FHIP1A: variants seen among roughly 807,000 people sequenced by gnomAD.
The protein encoded by FHIP1A is FHF complex subunit HOOK-interacting protein 1A.
In FHIP1A, 61 loss-of-function variants were observed where a neutral mutation model predicts 88.6. The observed-to-expected ratio is 0.69, with a 90% confidence interval of 0.56 to 0.85. The LOEUF is 0.85. Among genes scored for constraint, FHIP1A ranks in the 40% least tolerant of loss-of-function variants. The pLI is 0.00. For synonymous variants in FHIP1A, 478 were observed against 496.0 expected (o/e 0.96, Z 0.48); for missense variants, 1,154 against 1,273.5 (o/e 0.91, Z 1.43).
At chr4:151,611,585 C>T (rs1735326479) in intron 7 of FHIP1A, among the ~76,000 whole-genome samples, 1 of 152,154 alleles carries the variant, frequency 6.6e-6, no homozygotes, top group Admixed American at 6.5e-5. Flanking sequence ...AGACATCAAA[C>T]TTTCTGACTA....
chr4:151,636,489 C>A (rs1027860457), intron 8 of FHIP1A, among the ~76,000 whole-genome samples: 1 of 151,862 alleles, frequency 6.6e-6, no homozygotes, highest in Non-Finnish European at 1.5e-5. Context: ...ATGACATGCT[C>A]TTGTATGTAA....
At chr4:151,468,284 CAAA>C (rs921242622) in intron 2 of FHIP1A, among the ~76,000 whole-genome samples, 2 of 38,320 alleles carry the variant, frequency 5.2e-5, no homozygotes, top group African/African-American at 9.5e-5. Context: ...GACTCCATCT[CAAA>C]AAAAAAAAAA....
chr4:151,551,141 G>A (rs184094408), intron 3 of FHIP1A, among the ~76,000 whole-genome samples: 1 of 152,178 alleles, frequency 6.6e-6, no homozygotes, highest in Non-Finnish European at 1.5e-5. Context: ...GAACCTGAGG[G>A]CATCCATTAC....
At chr4:151,570,649 A>G (rs1343273390) in intron 4 of FHIP1A, among the ~76,000 whole-genome samples, 1 of 152,186 alleles carries the variant, frequency 6.6e-6, no homozygotes, top group African/African-American at 2.4e-5. Flanking sequence ...CATATACAGT[A>G]TCTTCTTCAC....
chr4:151,574,775 T>C (rs937507640), intron 4 of FHIP1A, among the ~76,000 whole-genome samples: 1 of 152,190 alleles, frequency 6.6e-6, no homozygotes, highest in African/African-American at 2.4e-5. Context: ...TACTTGGCAA[T>C]GTATTTGCTT....
intron 1 of FHIP1A, among the ~76,000 whole-genome samples, chr4:151,431,664 T>G (rs1465335781): frequency 6.6e-6 from 1 of 152,208 alleles, no homozygotes; most frequent in Non-Finnish European, 1.5e-5. Context: ...TGCAATGCTG[T>G]AAGGTCATGA....
intron 3 of FHIP1A, among the ~76,000 whole-genome samples, chr4:151,506,504 G>A (rs1402646427): frequency 1.3e-5 from 2 of 152,174 alleles, no homozygotes; most frequent in African/African-American, 2.4e-5. Context: ...TCTGCTTCTG[G>A]TGAGGGCCTT....
intron 7 of FHIP1A, among the ~76,000 whole-genome samples, chr4:151,621,409 T>C (rs973716436): frequency 1.3e-5 from 2 of 152,086 alleles, no homozygotes; most frequent in Non-Finnish European, 2.9e-5. Context: ...GAAAATAAGC[T>C]AGGAGTGAAA....
At chr4:151,559,470 C>T (rs1307181825) in intron 3 of FHIP1A, among the ~76,000 whole-genome samples, 1 of 152,164 alleles carries the variant, frequency 6.6e-6, no homozygotes, top group African/African-American at 2.4e-5. Context: ...TGTGTATCTT[C>T]TTAGAAATCT....
At chr4:151,471,811 C>T (rs902022969) in intron 2 of FHIP1A, among the ~76,000 whole-genome samples, 1 of 152,166 alleles carries the variant, frequency 6.6e-6, no homozygotes, top group African/African-American at 2.4e-5. Context: ...TTGTGTCATT[C>T]TTATGCCTTT....
intron 4 of FHIP1A, among the ~76,000 whole-genome samples, chr4:151,571,950 G>A (rs1733617211): frequency 6.6e-6 from 1 of 152,224 alleles, no homozygotes; most frequent in South Asian, 2.1e-4. Flanking sequence ...GCTCTTGCCT[G>A]TAATCCCAGC....
chr4:151,522,064 G>A (rs1425786931), intron 3 of FHIP1A, among the ~76,000 whole-genome samples: 6 of 152,192 alleles, frequency 3.9e-5, no homozygotes, highest in African/African-American at 1.4e-4. Context: ...ACTCTTAGAT[G>A]TCTGAAACTT....
intron 8 of FHIP1A, 99 bp from the exon 9 acceptor site, chr4:151,638,578 A>AG: frequency 3.2e-6 from 2 of 631,956 alleles, no homozygotes; most frequent in Non-Finnish European, 2.6e-6. Context: ...AAAAAAAAAA[A>AG]GGCCATTATA....
chr4:151,552,676 C>T (rs55668815), intron 3 of FHIP1A, among the ~76,000 whole-genome samples: 3 of 151,616 alleles, frequency 2.0e-5, no homozygotes, highest in Admixed American at 1.3e-4. Flanking sequence ...GGCCTGTTGT[C>T]GGGTGGGAGG....
intron 3 of FHIP1A, among the ~76,000 whole-genome samples, chr4:151,540,732 G>C (rs969323979): frequency 6.6e-6 from 1 of 152,132 alleles, no homozygotes; most frequent in Middle Eastern, 3.2e-3. Context: ...CCAAATCTTT[G>C]TTCTGCTCCC....
chr4:151,465,080 C>T (rs1205771897), intron 2 of FHIP1A, among the ~76,000 whole-genome samples: 3 of 152,048 alleles, frequency 2.0e-5, no homozygotes, highest in Admixed American at 2.0e-4. Flanking sequence ...TGGTGGTGCA[C>T]ACCTGTAGTC....
At chr4:151,501,123 C>A (rs1478069488) in intron 3 of FHIP1A, among the ~76,000 whole-genome samples, 1 of 152,052 alleles carries the variant, frequency 6.6e-6, no homozygotes, top group Non-Finnish European at 1.5e-5. Context: ...ATATAAACAC[C>A]CACATTTAGG....
intron 1 of FHIP1A, among the ~76,000 whole-genome samples, chr4:151,449,608 G>T (rs971076200): frequency 6.6e-6 from 1 of 152,056 alleles, no homozygotes; most frequent in African/African-American, 2.4e-5. Context: ...ACCCCACTGT[G>T]CAATAGAACA....
rs1169642664 is a variant in FHIP1A at position 151,665,460 on chromosome 4, T to C, written c.*2706T>C. ...TACAGTCCTCAGAGGTTTTTGTCCATGGTTTTGCAAAATGAAGTCAGAAAA... is the reference window on the plus strand; with the variant it reads ...TACAGTCCTCAGAGGTTTTTGTCCACGGTTTTGCAAAATGAAGTCAGAAAA... On this transcript the variant is annotated 3_prime_UTR_variant, in exon 14 of 14. Transcript: ENST00000435205. Among the ~76,000 whole-genome samples the C allele has an allele frequency of 6.6e-6, 1 of 152,196 alleles. No homozygotes were observed. The highest frequency in any genetic ancestry group is 1.5e-5 in the Non-Finnish European group (1 of 68,036).
Sources: gnomAD v4.1 joint callset for allele counts (sites outside exome capture counted in the v4.1 genomes callset) on GRCh38, gnomAD v4.1.1 for gene constraint, MANE v1.5 for transcripts, NCBI Gene and HGNC (gene_info 2026-07-23, HGNC 2026-07-21) for gene names.